The following WWC1 variants were observed in gnomAD, a reference collection of about 807,000 sequenced individuals.
WWC1 encodes the protein protein KIBRA.
In WWC1, 55 loss-of-function variants were observed where a neutral mutation model predicts 138.4. That is an observed-to-expected ratio of 0.40 (90% CI 0.32 to 0.50). The LOEUF (loss-of-function observed/expected upper bound fraction) is 0.50, where lower values mean the gene tolerates loss of function less well. Among genes scored for constraint, WWC1 ranks in the 20% least tolerant of loss-of-function variants. The pLI is 0.72. For synonymous variants in WWC1, 524 were observed against 564.9 expected, an observed-to-expected ratio of 0.93 and a Z score of 1.03; for missense variants, 1,226 against 1,420.4, an observed-to-expected ratio of 0.86 and a Z score of 2.20.
chr5:168,371,324 T>A, intron 1 of WWC1, 100 bp from the exon 2 acceptor site: 1 of 808,952 alleles, frequency 1.2e-6, no homozygotes, highest in Non-Finnish European at 2.1e-6. Context: ...TTTGGATCTG[T>A]TGAGCCAGCC....
chr5:168,454,948 G>A (rs1561791046), intron 18 of WWC1, among the ~76,000 whole-genome samples: 1 of 152,230 alleles, frequency 6.6e-6, no homozygotes, highest in Non-Finnish European at 1.5e-5. Context: ...TTCGATGAAA[G>A]CAACCGTAGT....
chr5:168,424,981 C>T lies in WWC1; in HGVS notation c.1810+913C>T, dbSNP rs553298236. On this transcript the variant is annotated intron_variant, in intron 11 of 22. Transcript: ENST00000265293. ...AAACCTTTTTATCTTTAGCAGCAAC[C>T]ACATAATAAATCATAATAGTTAACT... is the stretch of plus-strand genomic sequence containing the variant. Among the ~76,000 whole-genome samples the T allele has an allele frequency of 7.2e-5, 11 of 152,264 alleles. No homozygotes were observed. In the East Asian group the frequency reaches 1.5e-3, roughly 21 times the overall value.
chr5:168,440,705 T>C (rs975011850), intron 15 of WWC1, among the ~76,000 whole-genome samples: 2 of 152,116 alleles, frequency 1.3e-5, no homozygotes, highest in African/African-American at 4.8e-5. Context: ...TTAGTAGAAA[T>C]GGGGTTTCTC....
At chr5:168,382,541 T>C (rs1241965683) in intron 2 of WWC1, among the ~76,000 whole-genome samples, 1 of 152,218 alleles carries the variant, frequency 6.6e-6, no homozygotes, top group Non-Finnish European at 1.5e-5. Context: ...AGCTGCTTTT[T>C]TCTGTGGGCT....
In WWC1 at chr5:168,444,585, G is replaced by T. The variant is rs1272885335; in HGVS notation, c.2525G>T (p.Trp842Leu). 1 of 1,613,068 alleles carries T rather than the reference G, an allele frequency of 6.2e-7. No homozygotes were observed. Among genetic ancestry groups the T allele is most frequent in the Non-Finnish European group, 8.5e-7 (1 of 1,179,826 alleles). ...AGCACACAGACACTGGAAGACAGCT[G>T]GTGAGTGAGCCCGCCCTTGGGCCCC... ...RSSTQTLEDS[W>L]RYEETSENEA... The change falls in exon 17 of 23, where the codon TGG (tryptophan) becomes TTG (leucine). Residue 842 changes from tryptophan (W) to leucine (L), a missense_variant and splice_region_variant. Physicochemically the swap from Trp to Leu is moderately conservative, Grantham distance 61. This residue lies in a region of WWC1 where 1,016 missense variants were observed against 1,153.9 expected (regional missense o/e 0.88). Coordinates refer to ENST00000265293, the MANE Select transcript of WWC1 (RefSeq NM_015238.3).
At chr5:168,387,481 T>C (rs1393693908) in intron 3 of WWC1, among the ~76,000 whole-genome samples, 2 of 152,218 alleles carry the variant, frequency 1.3e-5, no homozygotes, top group African/African-American at 2.4e-5. Context: ...TTTAGAAGGT[T>C]TTAGCACTTA....
intron 6 of WWC1, 92 bp from the exon 7 acceptor site, chr5:168,408,415 G>A (rs1400735049): frequency 6.8e-7 from 1 of 1,461,078 alleles, no homozygotes; most frequent in East Asian, 2.3e-5. Context: ...CCTAAATTAA[G>A]GGAGGGTAGA....
At chr5:168,417,392 CT>C (rs1341614397) in intron 9 of WWC1, among the ~76,000 whole-genome samples, 1 of 152,058 alleles carries the variant, frequency 6.6e-6, no homozygotes, top group Non-Finnish European at 1.5e-5. Context: ...TTAGGGACCC[CT>C]AGGATATACC....
Position 168,406,331 on chromosome 5 carries a change from T to C in WWC1, c.720+4T>C. On this transcript the variant is annotated splice_donor_region_variant and intron_variant, in intron 6 of 22. Transcript: ENST00000265293. ...GGAAAAGCAAGATCTCATTAAGGTATGCAAGTTCCTGTTGATGTGGGTGCC... is the reference window on the plus strand; with the variant it reads ...GGAAAAGCAAGATCTCATTAAGGTACGCAAGTTCCTGTTGATGTGGGTGCC... The C allele has an allele frequency of 6.2e-7, 1 of 1,613,464 alleles. No individual in the cohort carries two copies. The highest frequency in any genetic ancestry group is 8.5e-7 in the Non-Finnish European group (1 of 1,179,580).
At chr5:168,353,736 A>G (rs549606561) in intron 1 of WWC1, among the ~76,000 whole-genome samples, 1 of 152,332 alleles carries the variant, frequency 6.6e-6, no homozygotes, top group East Asian at 1.9e-4. Context: ...GTTAAATGCA[A>G]GGTCTTATTT....
At chr5:168,420,264 T>A (rs894327960) in intron 9 of WWC1, among the ~76,000 whole-genome samples, 3 of 152,142 alleles carry the variant, frequency 2.0e-5, no homozygotes, top group Non-Finnish European at 4.4e-5. Context: ...CAGATGTCAG[T>A]GGGGTTGCTT....
intron 17 of WWC1, among the ~76,000 whole-genome samples, chr5:168,449,177 G>T (rs1185159041): frequency 6.6e-6 from 1 of 152,022 alleles, no homozygotes; most frequent in African/African-American, 2.4e-5. Flanking sequence ...TGCCACTCCA[G>T]TAGGTGAAAA....
In WWC1 at chr5:168,308,058, C is replaced by A. The variant is rs531147159; in HGVS notation, c.119+15787C>A. On this transcript the variant is annotated intron_variant, in intron 1 of 22. Transcript: ENST00000265293. Reference sequence around the variant, plus strand: ...TTGGTCTGCAGCATTCCTGCTTGCCCAATAGAACATCCTTCAGAAAGAATG... The same window carrying A: ...TTGGTCTGCAGCATTCCTGCTTGCCAAATAGAACATCCTTCAGAAAGAATG... 6.6e-5 allele frequency among the ~76,000 whole-genome samples: 10 copies of A among 152,292 alleles called. No individual in the cohort carries two copies. The East Asian group carries it at 1.9e-3, about 29-fold the overall frequency.
Position 168,409,912 on chromosome 5 carries a change from T to C in WWC1, c.868-10T>C. 1.2e-6 allele frequency: 2 copies of C among 1,613,874 alleles called. No homozygotes were observed. Among genetic ancestry groups the C allele is most frequent in the South Asian group, 2.2e-5 (2 of 91,076 alleles). On this transcript the variant is annotated splice_polypyrimidine_tract_variant and intron_variant, in intron 7 of 22. Coordinates refer to ENST00000265293, the MANE Select transcript of WWC1 (RefSeq NM_015238.3). Reference sequence around the variant, plus strand: ...GCCACATAATTCCTGACTTTGTTCTTCTCCTCCAGTTCGGCATCAACAGCA... The same window carrying C: ...GCCACATAATTCCTGACTTTGTTCTCCTCCTCCAGTTCGGCATCAACAGCA...
rs2152750212 is a variant in WWC1, at chr5:168,312,758, G to A, written c.119+20487G>A. Among the ~76,000 whole-genome samples, 3 of 151,758 alleles carry A rather than the reference G, an allele frequency of 2.0e-5. No homozygotes were observed. The South Asian group carries it at 6.3e-4, about 32-fold the overall frequency. On this transcript the variant is annotated intron_variant, in intron 1 of 22. Transcript: ENST00000265293. ...CAGGAGACGTCAGGGGTCATGTGGT[G>A]CCAACCGCAGCAGCTGCCCACTCAG...
chr5:168,298,733 T>C (rs1769789745), intron 1 of WWC1, among the ~76,000 whole-genome samples: 1 of 152,208 alleles, frequency 6.6e-6, no homozygotes, highest in African/African-American at 2.4e-5. Flanking sequence ...CCTCATTTTA[T>C]CTTTTCAACA....
intron 10 of WWC1, among the ~76,000 whole-genome samples, chr5:168,422,423 G>C (rs1042756981): frequency 6.6e-6 from 1 of 152,162 alleles, no homozygotes; most frequent in Non-Finnish European, 1.5e-5. Flanking sequence ...CAGCTCAGGA[G>C]TTTGAAGCCA....
At chr5:168,314,096 A>G (rs1011239661) in intron 1 of WWC1, among the ~76,000 whole-genome samples, 4 of 152,208 alleles carry the variant, frequency 2.6e-5, no homozygotes, top group Admixed American at 1.3e-4. Context: ...GGGAGCACTC[A>G]TGGCAGGGTG....
intron 3 of WWC1, among the ~76,000 whole-genome samples, chr5:168,387,361 C>A (rs776318655): frequency 4.9e-4 from 75 of 152,256 alleles, no homozygotes; most frequent in Middle Eastern, 6.8e-3. Context: ...CTGTCCCAGC[C>A]CTCCCTTTTT....
Sources: gnomAD v4.1 joint callset for allele counts (sites outside exome capture counted in the v4.1 genomes callset) on GRCh38, gnomAD v4.1.1 for gene constraint, gnomAD v4.1.1 regional missense constraint, MANE v1.5 for transcripts, NCBI Gene and HGNC (gene_info 2026-07-23, HGNC 2026-07-21) for gene names.